Variants in TMEM170B observed in about 807,000 individuals in gnomAD.
TMEM170B encodes transmembrane protein 170B.
Under a neutral mutation model 13.0 loss-of-function variants are expected in TMEM170B, and 6 were observed. The ratio of observed to expected loss-of-function variants is 0.46; its 90% CI spans 0.25 to 0.91. The LOEUF is 0.91. Ranked by LOEUF, TMEM170B falls within the 40% of genes least tolerant of loss-of-function variation. The pLI, the probability that TMEM170B is intolerant of heterozygous loss-of-function variation, is 0.17. For missense variants in TMEM170B, 138 were observed against 165.2 expected, an observed-to-expected ratio of 0.84 and a Z score of 0.90; for synonymous variants, 61 against 64.9, an observed-to-expected ratio of 0.94 and a Z score of 0.29.
At position 11,570,490 on chromosome 6, in the gene TMEM170B, A is replaced by G. The variant is rs1474948275; in HGVS notation, c.268+4654A>G. Among the ~76,000 whole-genome samples, 6 of 152,208 alleles carry G rather than the reference A, an allele frequency of 3.9e-5. No individual in the cohort carries two copies. The South Asian group carries it at 1.2e-3, about 31-fold the overall frequency. On this transcript the variant is annotated intron_variant, in intron 2 of 2. Transcript: ENST00000379426. ...CTCAATAATAAAGATAGAGAATTAT[A>G]AAAATAAAATAGTTTTATGAACAGC... is the stretch of plus-strand genomic sequence containing the variant.
chr6:11,577,001 CT>C lies in TMEM170B; in HGVS notation c.*1441del, dbSNP rs1424848599. ...TGGCACCAGATACAATTATAATGTGCTAACTCAAAGGAGACATTGCAGAGAA... is the reference window on the plus strand; with the variant it reads ...TGGCACCAGATACAATTATAATGTGCAACTCAAAGGAGACATTGCAGAGAA... On this transcript the variant is annotated 3_prime_UTR_variant, in exon 3 of 3. Coordinates refer to ENST00000379426, the MANE Select transcript of TMEM170B (RefSeq NM_001100829.3). The C allele has an allele frequency of 2.6e-5, 4 of 152,044 alleles. No individual in the cohort carries two copies. The highest frequency in any genetic ancestry group is 5.9e-5 in the Non-Finnish European group (4 of 67,952). 9.4% of individuals were successfully genotyped at this position (152,044 alleles called of 1,614,324 possible).
chr6:11,553,473 A>T (rs1759550030), intron 1 of TMEM170B, among the ~76,000 whole-genome samples: 1 of 152,178 alleles, frequency 6.6e-6, no homozygotes, highest in Admixed American at 6.5e-5. Context: ...AAAAATAAAG[A>T]TTTGAAAGAA....
intron 2 of TMEM170B, among the ~76,000 whole-genome samples, chr6:11,569,655 C>A (rs976954481): frequency 1.3e-5 from 2 of 152,134 alleles, no homozygotes; most frequent in African/African-American, 4.8e-5. Flanking sequence ...GCATTCAGGC[C>A]ATAATTTATC....
rs1399182794 is a variant in TMEM170B, at chr6:11,575,398, G to A, written c.269-33G>A. On this transcript the variant is annotated intron_variant, in intron 2 of 2. Coordinates refer to ENST00000379426, the MANE Select transcript of TMEM170B (RefSeq NM_001100829.3). This position sits in a 1 kb window ranked among gnomAD's most constrained non-coding sequence, Gnocchi z 4.1. ...GCAGTGTGTTATAAAACGAGTGACTGTATCCCTTCATTTTTCTCCCGTTTC... is the reference window on the plus strand; with the variant it reads ...GCAGTGTGTTATAAAACGAGTGACTATATCCCTTCATTTTTCTCCCGTTTC... 1.9e-6 allele frequency: 3 copies of A among 1,612,548 alleles called. No homozygotes were observed. The South Asian group carries it at 3.3e-5, about 18-fold the overall frequency.
intron 2 of TMEM170B, among the ~76,000 whole-genome samples, chr6:11,566,153 T>A (rs1163779610): frequency 3.3e-5 from 5 of 152,162 alleles, no homozygotes; most frequent in Non-Finnish European, 7.4e-5. Flanking sequence ...AGTTGCTCAT[T>A]TTCTAGGAAA....
At chr6:11,539,123 A>G (rs1054056928) in intron 1 of TMEM170B, among the ~76,000 whole-genome samples, 9 of 152,216 alleles carry the variant, frequency 5.9e-5, no homozygotes, top group African/African-American at 1.7e-4. Flanking sequence ...AAAACACACA[A>G]TATTTTTATT....
chr6:11,546,035 A>AG (rs61345535), intron 1 of TMEM170B, among the ~76,000 whole-genome samples: 2 of 147,662 alleles, frequency 1.4e-5, no homozygotes, highest in East Asian at 2.0e-4. Context: ...AAAAAAAAAA[A>AG]GGCAAGCTGT....
intron 1 of TMEM170B, among the ~76,000 whole-genome samples, chr6:11,555,311 A>G (rs561979316): frequency 9.9e-5 from 15 of 152,022 alleles, no homozygotes; most frequent in African/African-American, 3.6e-4. Context: ...GACTACCCTC[A>G]GTATTTTCCC....
chr6:11,575,659 T>G lies in TMEM170B; in HGVS notation c.*98T>G. The G allele has an allele frequency of 6.8e-7, 1 of 1,467,592 alleles. No individual in the cohort carries two copies. Among genetic ancestry groups the G allele is most frequent in the African/African-American group, 1.4e-5 (1 of 71,938 alleles). The allele number at this position is 1,467,592 out of a possible 1,614,324, so 90.9% of individuals were successfully genotyped here. A position where few individuals can be genotyped will look rare whatever the true frequency, so the allele number is the denominator to read the frequency against. On this transcript the variant is annotated 3_prime_UTR_variant, in exon 3 of 3. Coordinates refer to ENST00000379426, the MANE Select transcript of TMEM170B (RefSeq NM_001100829.3). This position sits in a 1 kb window ranked among gnomAD's most constrained non-coding sequence, Gnocchi z 4.1. ...AAGTGGAAATGAAATTGTGCAAGAA[T>G]GTGGACTGAGCAGGTCAAAGCATAA...
intron 1 of TMEM170B, among the ~76,000 whole-genome samples, chr6:11,561,623 A>G (rs762999200): frequency 3.3e-5 from 5 of 152,208 alleles, no homozygotes; most frequent in Non-Finnish European, 7.3e-5. Flanking sequence ...CTGTCAGGTA[A>G]TTCAAAATAA....
In TMEM170B at chr6:11,545,608, C is replaced by T. The variant is rs139891931; in HGVS notation, c.97+7234C>T. Among the ~76,000 whole-genome samples, 511 of 152,088 alleles carry T rather than the reference C, an allele frequency of 3.4e-3. 3 individuals carry two copies. Among genetic ancestry groups the T allele is most frequent in the African/African-American group, 0.012 (486 of 41,442 alleles). Reference sequence around the variant, plus strand: ...GGTGTCAACAGACCTACTGTACTGCCTGTTGTATAAAAGTAGAGCATATAT... The same window carrying T: ...GGTGTCAACAGACCTACTGTACTGCTTGTTGTATAAAAGTAGAGCATATAT... On this transcript the variant is annotated intron_variant, in intron 1 of 2. Coordinates refer to ENST00000379426, the MANE Select transcript of TMEM170B (RefSeq NM_001100829.3).
At chr6:11,566,671 A>G (rs1377279195) in intron 2 of TMEM170B, among the ~76,000 whole-genome samples, 1 of 152,212 alleles carries the variant, frequency 6.6e-6, no homozygotes, top group African/African-American at 2.4e-5. Flanking sequence ...AAGAGACACA[A>G]ATGGGCACTT....
intron 2 of TMEM170B, among the ~76,000 whole-genome samples, chr6:11,569,196 T>C (rs1404992181): frequency 6.6e-6 from 1 of 152,142 alleles, no homozygotes; most frequent in Admixed American, 6.5e-5. Flanking sequence ...ATATTAGAGA[T>C]ATTGACCTCT....
chr6:11,553,030 T>C (rs1434669553), intron 1 of TMEM170B, among the ~76,000 whole-genome samples: 1 of 152,140 alleles, frequency 6.6e-6, no homozygotes, highest in Non-Finnish European at 1.5e-5. Flanking sequence ...CCTTGACCTG[T>C]AGGTAACTTT....
chr6:11,571,846 A>G (rs1314276804), intron 2 of TMEM170B, among the ~76,000 whole-genome samples: 9 of 152,162 alleles, frequency 5.9e-5, no homozygotes, highest in Non-Finnish European at 1.2e-4. Flanking sequence ...CTCAAGTTAT[A>G]AAAAGACAAC....
Position 11,580,333 on chromosome 6 carries a change from T to C in TMEM170B, c.*4772T>C, listed in dbSNP as rs1326843378. The C allele has an allele frequency of 6.6e-6, 1 of 152,136 alleles. No individual in the cohort carries two copies. The highest frequency in any genetic ancestry group is 1.5e-5 in the Non-Finnish European group (1 of 68,016). 9.4% of individuals were successfully genotyped at this position (152,136 alleles called of 1,614,324 possible). A position where few individuals can be genotyped will look rare whatever the true frequency, so the allele number is the denominator to read the frequency against. ...CAGCCTATTTTTTTTTAACTTCAAA[T>C]ACTATTATTTTAAATTTATGTTCAT... is the stretch of plus-strand genomic sequence containing the variant. On this transcript the variant is annotated 3_prime_UTR_variant, in exon 3 of 3. Coordinates refer to ENST00000379426, the MANE Select transcript of TMEM170B (RefSeq NM_001100829.3).
chr6:11,554,499 G>A (rs931037896), intron 1 of TMEM170B, among the ~76,000 whole-genome samples: 9 of 151,932 alleles, frequency 5.9e-5, no homozygotes, highest in Non-Finnish European at 1.2e-4. Flanking sequence ...GCATCTTTTA[G>A]GAAGACAGTG....
chr6:11,575,547 C>T lies in TMEM170B; in HGVS notation c.385C>T (p.Leu129Phe), dbSNP rs757175711. Residue 129 changes from leucine (L) to phenylalanine (F), a missense_variant, in exon 3 of 3, where the codon CTC becomes TTC. By Grantham distance (22) the Leu-to-Phe change is conservative. Transcript: ENST00000379426. This position sits in a 1 kb window ranked among gnomAD's most constrained non-coding sequence, Gnocchi z 4.1. ...LTLIISFSRI[L>F]ATL ...ATTAATCATCTCCTTTTCAAGGATC[C>T]TCGCTACACTTTGAGGTTTCTGTGG... is the stretch of plus-strand genomic sequence containing the variant. 2.5e-6 allele frequency: 4 copies of T among 1,613,040 alleles called. No homozygotes were observed. In the Admixed American group the frequency reaches 6.7e-5, roughly 27 times the overall value.
intron 2 of TMEM170B, among the ~76,000 whole-genome samples, chr6:11,569,575 G>T (rs2113780471): frequency 6.6e-6 from 1 of 152,288 alleles, no homozygotes; most frequent in African/African-American, 2.4e-5. Flanking sequence ...AGCAGCCATA[G>T]ACATATGTAA....
Sources: allele counts gnomAD v4.1 joint callset (sites outside exome capture counted in the v4.1 genomes callset), GRCh38; gene constraint gnomAD v4.1.1; non-coding constraint Gnocchi (gnomAD v3.1); transcripts MANE v1.5; gene names NCBI Gene and HGNC (gene_info 2026-07-23, HGNC 2026-07-21).